TMEM117: variants seen among roughly 807,000 people sequenced by gnomAD.
The protein encoded by TMEM117 is transmembrane protein 117.
A neutral mutation model predicts 52.4 loss-of-function variants in TMEM117; 27 were observed. That is an observed-to-expected ratio of 0.51 (90% CI 0.38 to 0.71). TMEM117 has a LOEUF of 0.71. Ranked by LOEUF, TMEM117 falls within the 30% of genes least tolerant of loss-of-function variation. TMEM117 has a pLI of 0.00. For missense variants in TMEM117, 556 were observed against 630.5 expected, an observed-to-expected ratio of 0.88 and a Z score of 1.26; for synonymous variants, 215 against 206.3, an observed-to-expected ratio of 1.04 and a Z score of -0.36.
chr12:43,824,346 T>A, the TMEM117 span, among the ~76,000 whole-genome samples: 8 of 152,200 alleles, frequency 5.3e-5, no homozygotes, highest in African/African-American at 1.9e-4. Flanking sequence ...TAGGAGGGAA[T>A]CTATCCCTAT....
At chr12:44,304,357 C>A (rs1428177982) in intron 6 of TMEM117, among the ~76,000 whole-genome samples, 1 of 152,172 alleles carries the variant, frequency 6.6e-6, no homozygotes, top group East Asian at 1.9e-4. Context: ...GGCTAAAGTG[C>A]TTTGGGATCC....
intron 2 of TMEM117, among the ~76,000 whole-genome samples, chr12:43,912,438 G>A (rs1944523079): frequency 6.7e-6 from 1 of 149,690 alleles, no homozygotes. Context: ...CATGGCACAT[G>A]TATACGTATG....
At chr12:44,273,784 G>T (rs1399189872) in intron 5 of TMEM117, among the ~76,000 whole-genome samples, 1 of 151,890 alleles carries the variant, frequency 6.6e-6, no homozygotes, top group Non-Finnish European at 1.5e-5. Context: ...GATAAAAAAT[G>T]GAATCCTCAA....
At chr12:43,891,165 C>G (rs991829267) in intron 2 of TMEM117, among the ~76,000 whole-genome samples, 1 of 151,780 alleles carries the variant, frequency 6.6e-6, no homozygotes, top group Non-Finnish European at 1.5e-5. Flanking sequence ...AAAATAATGG[C>G]CCTTCCTTTT....
chr12:43,854,621 A>T (rs949894617), intron 2 of TMEM117, among the ~76,000 whole-genome samples: 3 of 151,678 alleles, frequency 2.0e-5, no homozygotes, highest in Non-Finnish European at 2.9e-5. Context: ...TTTTTAAAAA[A>T]TTTTATTTTT....
At chr12:44,151,076 C>T (rs762672718) in intron 4 of TMEM117, among the ~76,000 whole-genome samples, 1 of 151,850 alleles carries the variant, frequency 6.6e-6, no homozygotes, top group African/African-American at 2.4e-5. Context: ...ATGAAAGGCA[C>T]CTAGGAAAAT....
At chr12:44,286,559 C>T (rs1308550070) in intron 5 of TMEM117, among the ~76,000 whole-genome samples, 1 of 152,044 alleles carries the variant, frequency 6.6e-6, no homozygotes, top group Non-Finnish European at 1.5e-5. Flanking sequence ...TGACTGCTTT[C>T]AGGCTGACTA....
At chr12:44,222,203 C>A (rs2138427675) in intron 5 of TMEM117, among the ~76,000 whole-genome samples, 1 of 152,254 alleles carries the variant, frequency 6.6e-6, no homozygotes. Flanking sequence ...CTACCCCTCC[C>A]TTCAGGTCCC....
chr12:44,009,647 G>C (rs1047932948), intron 3 of TMEM117: 2 of 238,578 alleles, frequency 8.4e-6, no homozygotes, highest in Non-Finnish European at 1.8e-5. Context: ...CTTTGGTTAG[G>C]GCTCCGCTGG....
chr12:43,813,842 ACT>A, the TMEM117 span, among the ~76,000 whole-genome samples: 4 of 151,250 alleles, frequency 2.6e-5, no homozygotes, highest in African/African-American at 9.7e-5. Flanking sequence ...TTCATTTTAA[ACT>A]CTGTTTTTCC....
intron 4 of TMEM117, among the ~76,000 whole-genome samples, chr12:44,163,779 A>G (rs1948928449): frequency 6.6e-6 from 1 of 152,242 alleles, no homozygotes; most frequent in African/African-American, 2.4e-5. Flanking sequence ...TGTGACTTCT[A>G]AAATATAACA....
intron 3 of TMEM117, among the ~76,000 whole-genome samples, chr12:44,042,821 G>T (rs1946823886): frequency 6.9e-6 from 1 of 145,006 alleles, no homozygotes; most frequent in Admixed American, 6.9e-5. Context: ...TATTAGTTCT[G>T]CCCCTCTAGG....
the TMEM117 span, chr12:43,805,458 T>C: frequency 2.3e-6 from 1 of 441,648 alleles, no homozygotes; most frequent in South Asian, 1.6e-5. Flanking sequence ...GAGTTTACAC[T>C]AGAACTCGTT....
intron 5 of TMEM117, among the ~76,000 whole-genome samples, chr12:44,259,969 T>C (rs1950302793): frequency 6.6e-6 from 1 of 152,220 alleles, no homozygotes; most frequent in Admixed American, 6.5e-5. Flanking sequence ...TGGAGATTTA[T>C]ATGATATCTG....
the TMEM117 span, among the ~76,000 whole-genome samples, chr12:43,814,531 G>A: frequency 3.9e-5 from 6 of 152,008 alleles, no homozygotes; most frequent in Admixed American, 1.3e-4. Context: ...CCAGACTCTC[G>A]CTTGTTCAGA....
At chr12:44,090,684 C>T (rs1261717848) in intron 3 of TMEM117, among the ~76,000 whole-genome samples, 1 of 151,648 alleles carries the variant, frequency 6.6e-6, no homozygotes, top group Non-Finnish European at 1.5e-5. Context: ...AGGTGATCCA[C>T]TCGCCTCAGC....
chr12:44,247,198 CTG>C (rs1950141391), intron 5 of TMEM117, among the ~76,000 whole-genome samples: 1 of 152,164 alleles, frequency 6.6e-6, no homozygotes, highest in South Asian at 2.1e-4. Context: ...TTGCTGCAAT[CTG>C]TATCTTCAGA....
At chr12:44,245,864 T>A (rs1329084989) in intron 5 of TMEM117, among the ~76,000 whole-genome samples, 2 of 152,128 alleles carry the variant, frequency 1.3e-5, no homozygotes, top group East Asian at 3.8e-4. Flanking sequence ...TAGCCTACAG[T>A]TATTGGTTGG....
chr12:44,163,616 C>G (rs1392941603), intron 4 of TMEM117, among the ~76,000 whole-genome samples: 1 of 152,058 alleles, frequency 6.6e-6, no homozygotes, highest in African/African-American at 2.4e-5. Flanking sequence ...ATTTATGGGA[C>G]AAAAGAGAAT....
Sources: allele counts gnomAD v4.1 joint callset (sites outside exome capture counted in the v4.1 genomes callset), GRCh38; gene constraint gnomAD v4.1.1; transcripts MANE v1.5; gene names NCBI Gene and HGNC (gene_info 2026-07-23, HGNC 2026-07-21).